ARHGAP15: variants seen among roughly 807,000 people sequenced by gnomAD.
ARHGAP15 encodes the protein rho GTPase-activating protein 15.
Under a neutral mutation model 63.7 loss-of-function variants are expected in ARHGAP15, and 51 were observed. The ratio of observed to expected loss-of-function variants is 0.80; its 90% confidence interval spans 0.64 to 1.01. The LOEUF is 1.01. ARHGAP15 is among the 50% of genes least tolerant of loss of function. ARHGAP15 has a pLI of 0.00. For synonymous variants in ARHGAP15, 191 were observed against 193.8 expected (o/e 0.99, Z 0.12); for missense variants, 560 against 564.6 (o/e 0.99, Z 0.08).
chr2:143,734,891 G>A (rs1685686232), intron 13 of ARHGAP15, among the ~76,000 whole-genome samples: 1 of 152,132 alleles, frequency 6.6e-6, no homozygotes, highest in Non-Finnish European at 1.5e-5. Flanking sequence ...AAACATGGTG[G>A]GGGGTATTCC....
At chr2:143,698,200 T>C (rs1048209923) in intron 12 of ARHGAP15, among the ~76,000 whole-genome samples, 4 of 152,152 alleles carry the variant, frequency 2.6e-5, no homozygotes, top group Admixed American at 1.3e-4. Context: ...CATGAAGCTA[T>C]AAGAACAATA....
chr2:143,375,266 C>G (rs192893301), intron 6 of ARHGAP15, among the ~76,000 whole-genome samples: 1 of 152,290 alleles, frequency 6.6e-6, no homozygotes, highest in African/African-American at 2.4e-5. Flanking sequence ...TGAGAGCTCT[C>G]TACTATAATC....
chr2:143,151,707 C>A (rs1448709261), intron 1 of ARHGAP15, among the ~76,000 whole-genome samples: 1 of 151,816 alleles, frequency 6.6e-6, no homozygotes, highest in Non-Finnish European at 1.5e-5. Flanking sequence ...AGGGTGTCTA[C>A]TAGAGAAAAA....
At chr2:143,315,402 CATG>C (rs1683654610) in intron 6 of ARHGAP15, among the ~76,000 whole-genome samples, 1 of 152,120 alleles carries the variant, frequency 6.6e-6, no homozygotes, top group South Asian at 2.1e-4. Context: ...ATCTTAGAAT[CATG>C]ATATTATTAT....
chr2:143,370,349 G>C (rs924618503), intron 6 of ARHGAP15, among the ~76,000 whole-genome samples: 5 of 152,186 alleles, frequency 3.3e-5, no homozygotes, highest in Non-Finnish European at 4.4e-5. Context: ...GGACTGTTGT[G>C]GGGTGGGGGA....
intron 11 of ARHGAP15, among the ~76,000 whole-genome samples, chr2:143,595,878 T>C (rs1256452702): frequency 1.3e-5 from 2 of 152,170 alleles, no homozygotes; most frequent in African/African-American, 4.8e-5. Flanking sequence ...TCCAAAGTAT[T>C]GTCTTTTCCA....
intron 2 of ARHGAP15, among the ~76,000 whole-genome samples, chr2:143,196,365 T>A (rs1558807162): frequency 6.6e-6 from 1 of 152,038 alleles, no homozygotes. Flanking sequence ...GATAATTCAA[T>A]AGGAAATAGT....
At chr2:143,454,643 G>A (rs536498312) in intron 8 of ARHGAP15, among the ~76,000 whole-genome samples, 12 of 152,150 alleles carry the variant, frequency 7.9e-5, no homozygotes, top group African/African-American at 2.9e-4. Flanking sequence ...GTTGCACAGA[G>A]CAATACTCCT....
At chr2:143,542,402 A>G (rs1362038741) in intron 10 of ARHGAP15, among the ~76,000 whole-genome samples, 4 of 151,382 alleles carry the variant, frequency 2.6e-5, no homozygotes, top group Non-Finnish European at 5.9e-5. Flanking sequence ...ACTGTCCGGC[A>G]CTCCCCAGTG....
At chr2:143,538,638 CAT>C (rs1694891781) in intron 10 of ARHGAP15, among the ~76,000 whole-genome samples, 1 of 152,162 alleles carries the variant, frequency 6.6e-6, no homozygotes, top group Non-Finnish European at 1.5e-5. Flanking sequence ...TTGAGATAAT[CAT>C]GTGGTTTTTG....
chr2:143,224,632 C>G (rs1244144634), intron 4 of ARHGAP15, among the ~76,000 whole-genome samples: 3 of 152,132 alleles, frequency 2.0e-5, no homozygotes, highest in Non-Finnish European at 2.9e-5. Context: ...TTGCCCACTT[C>G]CTGAAATGTC....
chr2:143,250,483 T>G lies in ARHGAP15; in HGVS notation c.385-28T>G, dbSNP rs199764421. The G allele has an allele frequency of 2.4e-5, 37 of 1,572,512 alleles. No individual in the cohort carries two copies. In the African/African-American group the frequency reaches 4.5e-4, roughly 19 times the overall value. Reference sequence around the variant, plus strand: ...ATCTATCTACAGTGTTGCATCCTCTTATTCTTACTTCATTTTTGTGATTAC... The same window carrying G: ...ATCTATCTACAGTGTTGCATCCTCTGATTCTTACTTCATTTTTGTGATTAC... On this transcript the variant is annotated intron_variant, in intron 5 of 13. Coordinates refer to ENST00000295095, the MANE Select transcript of ARHGAP15 (RefSeq NM_018460.4).
chr2:143,378,167 C>G (rs1335131044), intron 6 of ARHGAP15, among the ~76,000 whole-genome samples: 1 of 151,898 alleles, frequency 6.6e-6, no homozygotes, highest in East Asian at 1.9e-4. Flanking sequence ...AGCAGGTGAT[C>G]TAGTAATAGT....
rs562944799 is a variant in ARHGAP15, at chr2:143,594,046, G to T, written c.1004-30087G>T. On this transcript the variant is annotated intron_variant, in intron 11 of 13. Transcript: ENST00000295095. The stretch of plus-strand genomic sequence containing the variant: ...AAACAGCAAATTATGAAGTCACAAG[G>T]TAAGTGTTAAAATACATATATATGT... 5.3e-5 allele frequency among the ~76,000 whole-genome samples: 8 copies of T among 152,232 alleles called. No homozygotes were observed. The East Asian group carries it at 1.5e-3, about 29-fold the overall frequency.
At chr2:143,228,537 T>G (rs761053663) in intron 4 of ARHGAP15, 44 bp from the exon 5 acceptor site, 1 of 1,363,162 alleles carries the variant, frequency 7.3e-7, no homozygotes, top group Non-Finnish European at 1.0e-6. Context: ...AATGATTTCT[T>G]CAACTGATAA....
chr2:143,372,746 C>T (rs982670563), intron 6 of ARHGAP15, among the ~76,000 whole-genome samples: 3 of 152,050 alleles, frequency 2.0e-5, no homozygotes, highest in East Asian at 3.9e-4. Flanking sequence ...ACAGGCCTCC[C>T]TGGAGTCTTT....
intron 11 of ARHGAP15, among the ~76,000 whole-genome samples, chr2:143,564,912 A>G (rs1301506968): frequency 6.6e-6 from 1 of 152,236 alleles, no homozygotes; most frequent in Admixed American, 6.5e-5. Context: ...AGGGGTAAAT[A>G]ATATGAAAAA....
At chr2:143,667,505 G>A (rs1193636120) in intron 12 of ARHGAP15, among the ~76,000 whole-genome samples, 3 of 148,870 alleles carry the variant, frequency 2.0e-5, no homozygotes, top group Admixed American at 6.7e-5. Flanking sequence ...CACCAGCATG[G>A]CACATGTATA....
chr2:143,515,970 A>G (rs981378703), intron 9 of ARHGAP15, among the ~76,000 whole-genome samples: 2 of 152,062 alleles, frequency 1.3e-5, no homozygotes, highest in African/African-American at 4.8e-5. Context: ...CCTTCCTTTC[A>G]TTCCCGAAAA....
Sources: gnomAD v4.1 joint callset for allele counts (sites outside exome capture counted in the v4.1 genomes callset) on GRCh38, gnomAD v4.1.1 for gene constraint, MANE v1.5 for transcripts, NCBI Gene and HGNC (gene_info 2026-07-23, HGNC 2026-07-21) for gene names.